SGIP1: variants seen among roughly 807,000 people sequenced by gnomAD.
SGIP1 encodes SH3-containing GRB2-like protein 3-interacting protein 1.
In SGIP1, 38 loss-of-function variants were observed where a neutral mutation model predicts 107.5. The observed-to-expected ratio is 0.35, with a 90% confidence interval of 0.27 to 0.46. The LOEUF (loss-of-function observed/expected upper bound fraction) is 0.46, where lower values mean the gene tolerates loss of function less well. Among genes scored for constraint, SGIP1 ranks in the 20% least tolerant of loss-of-function variants. SGIP1 has a pLI of 1.00. For synonymous variants in SGIP1, 365 were observed against 366.1 expected, an observed-to-expected ratio of 1.00 and a Z score of 0.03; for missense variants, 929 against 1,019.5, an observed-to-expected ratio of 0.91 and a Z score of 1.21.
At chr1:66,652,371 A>G (rs536863890) in intron 7 of SGIP1, among the ~76,000 whole-genome samples, 22 of 152,296 alleles carry the variant, frequency 1.4e-4, no homozygotes, top group African/African-American at 5.1e-4. Flanking sequence ...CAAACTCACA[A>G]GGGCTGAGAG....
At chr1:66,593,546 C>G (rs2064044843) in intron 1 of SGIP1, among the ~76,000 whole-genome samples, 1 of 152,168 alleles carries the variant, frequency 6.6e-6, no homozygotes, top group African/African-American at 2.4e-5. Context: ...CTCTTCTACT[C>G]ATTTAGAAAA....
chr1:66,634,207 C>G, intron 3 of SGIP1: 1 of 1,531,292 alleles, frequency 6.5e-7, no homozygotes, highest in Non-Finnish European at 8.9e-7. Flanking sequence ...CGGCTTGGTC[C>G]CCTCCCTGGG....
At chr1:66,717,717 C>CT (rs1214996256) in intron 18 of SGIP1, among the ~76,000 whole-genome samples, 2 of 152,102 alleles carry the variant, frequency 1.3e-5, no homozygotes, top group Non-Finnish European at 2.9e-5. Context: ...TGCATACCAG[C>CT]TGTGCAGGAC....
intron 18 of SGIP1, among the ~76,000 whole-genome samples, chr1:66,708,907 C>T (rs1471373297): frequency 3.3e-5 from 5 of 152,120 alleles, no homozygotes; most frequent in Admixed American, 6.5e-5. Context: ...CTCAGTTCTA[C>T]GCTATGAGAA....
chr1:66,575,274 C>T (rs750355569), intron 1 of SGIP1, among the ~76,000 whole-genome samples: 1 of 152,148 alleles, frequency 6.6e-6, no homozygotes, highest in Non-Finnish European at 1.5e-5. Context: ...TCCAATAAGA[C>T]TGCCAGTGAT....
At chr1:66,729,453 A>T (rs749848752) in intron 20 of SGIP1, 34 bp downstream of exon 20, 1 of 1,613,534 alleles carries the variant, frequency 6.2e-7, no homozygotes, top group South Asian at 1.1e-5. Context: ...TTTCAGAGAT[A>T]CATGTGGCTT....
intron 1 of SGIP1, among the ~76,000 whole-genome samples, chr1:66,591,870 T>C (rs1191026542): frequency 2.6e-5 from 4 of 152,186 alleles, no homozygotes; most frequent in Non-Finnish European, 5.9e-5. Context: ...TAAGGAAAAG[T>C]GCTGTGCCTC....
chr1:66,744,228 T>C lies in SGIP1; in HGVS notation c.*1133T>C, dbSNP rs2094523687. 6.6e-6 allele frequency: 1 copy of C among 152,220 alleles called. No individual in the cohort carries two copies. The highest frequency in any genetic ancestry group is 1.5e-5 in the Non-Finnish European group (1 of 68,004). 9.4% of individuals were successfully genotyped at this position (152,220 alleles called of 1,614,324 possible). On this transcript the variant is annotated 3_prime_UTR_variant, in exon 25 of 25. Coordinates refer to ENST00000371037, the MANE Select transcript of SGIP1 (RefSeq NM_032291.4). The stretch of plus-strand genomic sequence containing the variant: ...ATAAATGAAATTCTATTCACATTAC[T>C]GTGTAATAAATTTCCTTTTGGATGA...
chr1:66,630,850 A>G (rs1570910242), intron 2 of SGIP1, among the ~76,000 whole-genome samples: 1 of 26,978 alleles, frequency 3.7e-5, no homozygotes, highest in African/African-American at 2.3e-4. Context: ...AAAGAAAGAA[A>G]GAAAGAAAGA....
At chr1:66,583,848 T>A (rs2062167313) in intron 1 of SGIP1, among the ~76,000 whole-genome samples, 1 of 152,156 alleles carries the variant, frequency 6.6e-6, no homozygotes, top group Non-Finnish European at 1.5e-5. Context: ...AGTCAACACA[T>A]AATACCTGCT....
chr1:66,682,413 C>A lies in SGIP1; in HGVS notation c.1315+44C>A, dbSNP rs1359212458. On this transcript the variant is annotated intron_variant, in intron 15 of 24. Transcript: ENST00000371037. ...TGTGCTTCTTGTGACGGGGAATGGCCATGGCTGCTGCAGTGTGAGCAACAC... is the reference window on the plus strand; with the variant it reads ...TGTGCTTCTTGTGACGGGGAATGGCAATGGCTGCTGCAGTGTGAGCAACAC... 4 of 1,566,192 alleles carry A rather than the reference C, an allele frequency of 2.6e-6. No individual in the cohort carries two copies. In the African/African-American group the frequency reaches 5.5e-5, roughly 22 times the overall value.
chr1:66,707,625 C>T (rs1421500712), intron 18 of SGIP1, among the ~76,000 whole-genome samples: 1 of 152,160 alleles, frequency 6.6e-6, no homozygotes, highest in Non-Finnish European at 1.5e-5. Flanking sequence ...CTACTTGTTT[C>T]ATCTTTCAAA....
intron 12 of SGIP1, among the ~76,000 whole-genome samples, chr1:66,675,781 A>C (rs1445652247): frequency 6.7e-6 from 1 of 150,334 alleles, no homozygotes; most frequent in Non-Finnish European, 1.5e-5. Context: ...TAATCCTCCC[A>C]CCTCAGCCTC....
chr1:66,583,846 CATA>C (rs2062166915), intron 1 of SGIP1, among the ~76,000 whole-genome samples: 1 of 152,142 alleles, frequency 6.6e-6, no homozygotes, highest in Non-Finnish European at 1.5e-5. Flanking sequence ...GTAGTCAACA[CATA>C]ATACCTGCTC....
At chr1:66,612,489 G>C (rs1460504492) in intron 1 of SGIP1, among the ~76,000 whole-genome samples, 1 of 152,146 alleles carries the variant, frequency 6.6e-6, no homozygotes, top group Non-Finnish European at 1.5e-5. Context: ...ATTTGAAATG[G>C]GTTGGACTCT....
chr1:66,739,260 A>G (rs1381725722), intron 21 of SGIP1, 75 bp from the exon 22 acceptor site: 6 of 1,503,708 alleles, frequency 4.0e-6, no homozygotes, highest in Non-Finnish European at 5.4e-6. Flanking sequence ...AGCATAAACA[A>G]CATATGACAT....
At chr1:66,727,679 A>G (rs1295860420) in intron 19 of SGIP1, among the ~76,000 whole-genome samples, 1 of 152,252 alleles carries the variant, frequency 6.6e-6, no homozygotes, top group Admixed American at 6.5e-5. Flanking sequence ...GTATACCCAT[A>G]CACTACACAG....
chr1:66,672,425 A>G (rs941510248), intron 11 of SGIP1, among the ~76,000 whole-genome samples: 7 of 152,198 alleles, frequency 4.6e-5, no homozygotes, highest in African/African-American at 1.4e-4. Context: ...TTGGCAAAGC[A>G]TTGTATTTTA....
At chr1:66,588,046 A>G (rs184829168) in intron 1 of SGIP1, among the ~76,000 whole-genome samples, 110 of 152,290 alleles carry the variant, frequency 7.2e-4, no homozygotes, top group Non-Finnish European at 1.2e-3. Flanking sequence ...GATCTGAATT[A>G]CAATATTAGC....
Sources: allele counts gnomAD v4.1 joint callset (sites outside exome capture counted in the v4.1 genomes callset), GRCh38; gene constraint gnomAD v4.1.1; transcripts MANE v1.5; gene names NCBI Gene and HGNC (gene_info 2026-07-23, HGNC 2026-07-21).